IL1RAPL2: variants seen among roughly 807,000 people sequenced by gnomAD.
The protein encoded by IL1RAPL2 is interleukin 1 receptor accessory protein like 2, also known as X-linked interleukin-1 receptor accessory protein-like 2.
Under a neutral mutation model 44.1 loss-of-function variants are expected in IL1RAPL2, and 3 were observed. The ratio of observed to expected loss-of-function variants is 0.07; its 90% CI spans 0.03 to 0.18. The LOEUF is 0.18. Ranked by LOEUF, IL1RAPL2 falls within the 10% of genes least tolerant of loss-of-function variation. IL1RAPL2 has a pLI of 1.00. For missense variants in IL1RAPL2, 391 were observed against 496.4 expected, an observed-to-expected ratio of 0.79 and a Z score of 2.02; for synonymous variants, 181 against 178.8, an observed-to-expected ratio of 1.01 and a Z score of -0.10.
chrX:105,413,609 C>T (rs1309148643), intron 5 of IL1RAPL2, among the ~76,000 whole-genome samples: 2 of 112,309 alleles, frequency 1.8e-5, no homozygotes, highest in African/African-American at 6.5e-5. Context: ...TTTAGCTCAT[C>T]AGGACTCATG....
chrX:104,741,372 T>C (rs918755648), intron 2 of IL1RAPL2, among the ~76,000 whole-genome samples: 2 of 111,410 alleles, frequency 1.8e-5, no homozygotes, highest in Non-Finnish European at 3.8e-5. Flanking sequence ...GGGGAAATGA[T>C]GCAATTTACA....
In IL1RAPL2 at chrX:105,416,642, T is replaced by C. The variant is rs755395251; in HGVS notation, c.698-67671T>C. The stretch of plus-strand genomic sequence containing the variant: ...ACGATTAATACTACTGCTACTATTT[T>C]CTCTACTGCCAGCCCTCTATATACT... On this transcript the variant is annotated intron_variant, in intron 5 of 10. Transcript: ENST00000372582. Among the ~76,000 whole-genome samples the C allele has an allele frequency of 1.7e-3, 190 of 112,278 alleles. 1 individual carries two copies. Among genetic ancestry groups the C allele is most frequent in the Non-Finnish European group, 3.6e-4 (19 of 53,289 alleles).
intron 2 of IL1RAPL2, among the ~76,000 whole-genome samples, chrX:105,072,824 G>A (rs916342749): frequency 1.8e-5 from 2 of 109,386 alleles, no homozygotes; most frequent in African/African-American, 6.7e-5. Context: ...GGTGTGTGAT[G>A]TTCCCATCTC....
chrX:104,818,084 C>T (rs368415319), intron 2 of IL1RAPL2, among the ~76,000 whole-genome samples: 100 of 110,238 alleles, frequency 9.1e-4, no homozygotes, highest in African/African-American at 3.0e-3. Context: ...TGGCCGTGCG[C>T]GGTGGCTCAC....
chrX:105,681,771 TATATC>T (rs1255413930), intron 6 of IL1RAPL2, among the ~76,000 whole-genome samples: 1 of 111,326 alleles, frequency 9.0e-6, no homozygotes, highest in Non-Finnish European at 1.9e-5. Flanking sequence ...AAAAAAAAAT[TATATC>T]ATATCATTCA....
intron 2 of IL1RAPL2, among the ~76,000 whole-genome samples, chrX:104,874,279 C>CCTCTCCCTCTCTCTCTCTCTCT (rs747491911): frequency 6.2e-4 from 47 of 76,310 alleles, no homozygotes; most frequent in Non-Finnish European, 1.1e-3. Context: ...TGTCTGTATT[C>CCTCTCCCTCTCTCTCTCTCTCT]CTCTCTCTCT....
intron 6 of IL1RAPL2, among the ~76,000 whole-genome samples, chrX:105,506,825 GAAAACTCAAGCCCAGAGAGA>G (rs2147784374): frequency 8.9e-6 from 1 of 111,790 alleles, no homozygotes; most frequent in Non-Finnish European, 1.9e-5. Context: ...TTTCACATGA[GAAAACTCAAGCCCAGAGAGA>G]AAAACATGAC....
At chrX:105,625,420 G>A (rs939185650) in intron 6 of IL1RAPL2, among the ~76,000 whole-genome samples, 7 of 112,016 alleles carry the variant, frequency 6.2e-5, no homozygotes, top group Non-Finnish European at 1.3e-4. Flanking sequence ...TGGGAGCACA[G>A]AGGAAGAAAT....
At chrX:104,724,234 A>G (rs1931742220) in intron 2 of IL1RAPL2, among the ~76,000 whole-genome samples, 1 of 111,429 alleles carries the variant, frequency 9.0e-6, no homozygotes, top group South Asian at 3.7e-4. Context: ...AGTCTGAGGC[A>G]GTCACTCACA....
At chrX:104,874,572 T>C (rs970426307) in intron 2 of IL1RAPL2, among the ~76,000 whole-genome samples, 2 of 110,909 alleles carry the variant, frequency 1.8e-5, no homozygotes, top group Non-Finnish European at 3.8e-5. Context: ...AGAAACACAC[T>C]AGAAAAATCA....
Position 105,414,413 on chromosome X carries a change from A to C in IL1RAPL2, c.698-69900A>C, listed in dbSNP as rs534121549. On this transcript the variant is annotated intron_variant, in intron 5 of 10. Transcript: ENST00000372582. ...AGTGCTGGGATTACAGGCATGAGCC[A>C]CTGCGCCAGGCCAACACTATCATTT... is the stretch of plus-strand genomic sequence containing the variant. Among the ~76,000 whole-genome samples, 117 of 112,220 alleles carry C rather than the reference A, an allele frequency of 1.0e-3. No individual in the cohort carries two copies. In the Admixed American group the frequency reaches 0.011, roughly 10 times the overall value.
intron 2 of IL1RAPL2, among the ~76,000 whole-genome samples, chrX:104,807,332 T>C (rs1793569198): frequency 9.0e-6 from 1 of 111,481 alleles, no homozygotes; most frequent in Non-Finnish European, 1.9e-5. Flanking sequence ...ACGGGAATAA[T>C]AGGTGAGGGG....
chrX:105,168,477 G>A (rs1375701421), intron 2 of IL1RAPL2, among the ~76,000 whole-genome samples: 2 of 104,381 alleles, frequency 1.9e-5, no homozygotes, highest in Non-Finnish European at 3.9e-5. Context: ...AGAGAGAGAG[G>A]GGGAGGGAAG....
At chrX:105,760,233 T>TCAAA (rs747929309) in intron 10 of IL1RAPL2, among the ~76,000 whole-genome samples, 29 of 111,386 alleles carry the variant, frequency 2.6e-4, no homozygotes, top group Non-Finnish European at 3.8e-4. Flanking sequence ...AACAGGCATC[T>TCAAA]CAAACAAACA....
At chrX:105,429,954 T>C (rs17332281) in intron 5 of IL1RAPL2, among the ~76,000 whole-genome samples, 1,670 of 111,356 alleles carry the variant, frequency 0.015, 11 homozygotes, top group Middle Eastern at 0.06. Flanking sequence ...GTTGGTCAAC[T>C]GTGATTTTAG....
At chrX:105,355,616 A>C (rs1602373527) in intron 5 of IL1RAPL2, among the ~76,000 whole-genome samples, 3 of 111,703 alleles carry the variant, frequency 2.7e-5, no homozygotes, top group African/African-American at 9.8e-5. Context: ...CATTGCATTC[A>C]AACTGTCAGC....
intron 2 of IL1RAPL2, among the ~76,000 whole-genome samples, chrX:104,674,884 G>A (rs772548454): frequency 8.0e-5 from 9 of 111,841 alleles, no homozygotes; most frequent in East Asian, 5.6e-4. Context: ...GTTTATTTGC[G>A]TAGAGGTGTT....
chrX:105,621,049 TGAG>T (rs1435250314), intron 6 of IL1RAPL2, among the ~76,000 whole-genome samples: 3 of 111,368 alleles, frequency 2.7e-5, no homozygotes, highest in Admixed American at 1.9e-4. Flanking sequence ...GTTCTAAAGC[TGAG>T]GAGATTTATT....
intron 2 of IL1RAPL2, among the ~76,000 whole-genome samples, chrX:104,841,821 A>AT (rs1250842124): frequency 9.2e-6 from 1 of 108,361 alleles, no homozygotes; most frequent in Non-Finnish European, 1.9e-5. Context: ...TGCCCTTAAC[A>AT]TTTTTTCCTT....
Sources: gnomAD v4.1 joint callset for allele counts (sites outside exome capture counted in the v4.1 genomes callset) on GRCh38, gnomAD v4.1.1 for gene constraint, MANE v1.5 for transcripts, NCBI Gene and HGNC (gene_info 2026-07-23, HGNC 2026-07-21) for gene names.